The following UNC13C variants were observed in gnomAD, a reference collection of about 807,000 sequenced individuals.
The protein encoded by UNC13C is protein unc-13 homolog C.
In UNC13C, 174 loss-of-function variants were observed where a neutral mutation model predicts 245.4. That is an observed-to-expected ratio of 0.71 (90% CI 0.63 to 0.80). UNC13C has a LOEUF of 0.80. Ranked by LOEUF, UNC13C falls within the 30% of genes least tolerant of loss-of-function variation. UNC13C has a pLI of 0.00. For synonymous variants in UNC13C, 992 were observed against 895.1 expected (o/e 1.11, Z -1.93); for missense variants, 2,829 against 2,602.9 (o/e 1.09, Z -1.89).
intron 19 of UNC13C, among the ~76,000 whole-genome samples, chr15:54,476,488 A>AG (rs201551644): frequency 0.41 from 61,485 of 150,440 alleles, 12,784 homozygotes; most frequent in East Asian, 0.62. Context: ...TTTTTGTATA[A>AG]GGTGTAAGGA....
intron 4 of UNC13C, among the ~76,000 whole-genome samples, chr15:54,206,844 T>G (rs2034729191): frequency 1.3e-5 from 2 of 152,102 alleles, no homozygotes; most frequent in African/African-American, 4.8e-5. Context: ...CAACAGCTCT[T>G]GGCTTATGAA....
At chr15:54,298,519 A>G (rs1347908111) in intron 12 of UNC13C, among the ~76,000 whole-genome samples, 2 of 152,126 alleles carry the variant, frequency 1.3e-5, no homozygotes, top group Admixed American at 6.6e-5. Context: ...CTCCGTGTTA[A>G]CCTCTCTTTC....
chr15:54,412,305 A>G (rs1047732014), intron 18 of UNC13C, among the ~76,000 whole-genome samples: 2 of 152,180 alleles, frequency 1.3e-5, no homozygotes, highest in African/African-American at 4.8e-5. Context: ...CTCAGGAAAC[A>G]TAATCATGGT....
chr15:54,057,238 T>G (rs563885244), intron 2 of UNC13C, among the ~76,000 whole-genome samples: 148 of 151,606 alleles, frequency 9.8e-4, no homozygotes, highest in Middle Eastern at 3.4e-3. Context: ...GAGACACACA[T>G]AGGCTCAAAA....
intron 19 of UNC13C, among the ~76,000 whole-genome samples, chr15:54,476,624 T>A (rs1173719243): frequency 6.6e-6 from 1 of 151,966 alleles, no homozygotes; most frequent in African/African-American, 2.4e-5. Flanking sequence ...GTTGTAGATA[T>A]GCAGCGTTGT....
Position 54,329,081 on chromosome 15 carries a change from GTTTT to G in UNC13C, c.4426-2945_4426-2942del, listed in dbSNP as rs36002521. Among the ~76,000 whole-genome samples the G allele has an allele frequency of 1.2e-3, 146 of 121,632 alleles. 1 individual carries two copies. The highest frequency in any genetic ancestry group is 2.4e-3 in the African/African-American group (75 of 31,442). The allele number at this position is 121,632 out of a possible 152,430, so 79.8% of individuals were successfully genotyped here. The stretch of plus-strand genomic sequence containing the variant: ...TATTCTGGTCAACTAATTAAACCAA[GTTTT>G]TTTTTTTTTTTTTTTTGCTTGGATT... On this transcript the variant is annotated intron_variant, in intron 14 of 32. Transcript: ENST00000260323.
chr15:54,531,691 A>T (rs929103691), intron 25 of UNC13C, among the ~76,000 whole-genome samples: 1 of 151,796 alleles, frequency 6.6e-6, no homozygotes, highest in Non-Finnish European at 1.5e-5. Flanking sequence ...TTCACATACC[A>T]TAAAATTCTC....
intron 13 of UNC13C, among the ~76,000 whole-genome samples, chr15:54,300,784 A>C (rs2037559101): frequency 6.6e-6 from 1 of 152,198 alleles, no homozygotes; most frequent in South Asian, 2.1e-4. Flanking sequence ...ATCTGAGGTA[A>C]CTAAAGCCCT....
At position 54,190,455 on chromosome 15, in the gene UNC13C, A is replaced by G. The variant is rs577665707; in HGVS notation, c.3072-44575A>G. The stretch of plus-strand genomic sequence containing the variant: ...TTTTGTATCTTTTTAGTGATGTTCT[A>G]TGTACATCAAGCATTTTTATATAGG... On this transcript the variant is annotated intron_variant, in intron 4 of 32. Transcript: ENST00000260323. 5.9e-5 allele frequency among the ~76,000 whole-genome samples: 9 copies of G among 152,172 alleles called. No homozygotes were observed. In the East Asian group the frequency reaches 1.4e-3, roughly 23 times the overall value.
the UNC13C span, among the ~76,000 whole-genome samples, chr15:53,888,379 T>A: frequency 1.3e-5 from 2 of 152,198 alleles, no homozygotes; most frequent in Non-Finnish European, 2.9e-5. Context: ...TTCATATGCT[T>A]TGCCCAATTT....
At position 54,049,293 on chromosome 15, in the gene UNC13C, A is replaced by G. The variant is rs901593106; in HGVS notation, c.2983+33407A>G. 1.7e-5 allele frequency: 9 copies of G among 522,974 alleles called. No individual in the cohort carries two copies. The African/African-American group carries it at 1.8e-4, about 10-fold the overall frequency. The allele number at this position is 522,974 out of a possible 1,614,324, so 32.4% of individuals were successfully genotyped here. A position where few individuals can be genotyped will look rare whatever the true frequency, so the allele number is the denominator to read the frequency against. On this transcript the variant is annotated intron_variant, in intron 2 of 32. Coordinates refer to ENST00000260323, the MANE Select transcript of UNC13C (RefSeq NM_001080534.3). ...GTGTTCTCACTGCAGGAAATTTTGG[A>G]GATGAAATAAAGGGCCCTTCATATG...
At chr15:54,460,873 A>G (rs1891809121) in intron 19 of UNC13C, among the ~76,000 whole-genome samples, 1 of 152,182 alleles carries the variant, frequency 6.6e-6, no homozygotes, top group Non-Finnish European at 1.5e-5. Flanking sequence ...TTTTCCTCTC[A>G]AGTCTAGAAT....
intron 1 of UNC13C, among the ~76,000 whole-genome samples, chr15:54,003,335 G>A (rs941381585): frequency 1.3e-5 from 2 of 152,138 alleles, no homozygotes; most frequent in Non-Finnish European, 2.9e-5. Flanking sequence ...TCTGCTCTCT[G>A]TGCATGTGAT....
At chr15:54,232,319 A>T (rs1026990427) in intron 4 of UNC13C, among the ~76,000 whole-genome samples, 3 of 152,148 alleles carry the variant, frequency 2.0e-5, no homozygotes, top group African/African-American at 7.2e-5. Context: ...CAAAAGAGGC[A>T]GAGATGAATT....
chr15:53,842,787 T>C, the UNC13C span, among the ~76,000 whole-genome samples: 1 of 151,960 alleles, frequency 6.6e-6, no homozygotes, highest in African/African-American at 2.4e-5. Context: ...CCTCAAACTA[T>C]AGTAGCTGAT....
chr15:54,207,247 G>A (rs1054121647), intron 4 of UNC13C, among the ~76,000 whole-genome samples: 1 of 151,924 alleles, frequency 6.6e-6, no homozygotes, highest in South Asian at 2.1e-4. Flanking sequence ...ATCCGGTGAG[G>A]GGTGTTTGCC....
At chr15:53,840,695 T>G in the UNC13C span, among the ~76,000 whole-genome samples, 3 of 152,166 alleles carry the variant, frequency 2.0e-5, no homozygotes, top group African/African-American at 7.2e-5. Flanking sequence ...CCATTTTGAC[T>G]ATGAATAAAG....
At chr15:54,292,678 A>C (rs1371979841) in intron 10 of UNC13C, among the ~76,000 whole-genome samples, 1 of 151,824 alleles carries the variant, frequency 6.6e-6, no homozygotes, top group African/African-American at 2.4e-5. Context: ...TCATAGAATT[A>C]AATCAATTAT....
chr15:54,350,954 T>G (rs1306851644), intron 17 of UNC13C, among the ~76,000 whole-genome samples: 1 of 152,210 alleles, frequency 6.6e-6, no homozygotes. Flanking sequence ...AATATTTCAC[T>G]GAAGACTATA....
Sources: allele counts gnomAD v4.1 joint callset (sites outside exome capture counted in the v4.1 genomes callset), GRCh38; gene constraint gnomAD v4.1.1; transcripts MANE v1.5; gene names NCBI Gene and HGNC (gene_info 2026-07-23, HGNC 2026-07-21).